PRKCQ: variants seen among roughly 807,000 people sequenced by gnomAD.
PRKCQ encodes the protein protein kinase C theta, also known as protein kinase C theta type.
Under a neutral mutation model 91.2 loss-of-function variants are expected in PRKCQ, and 41 were observed. The ratio of observed to expected loss-of-function variants is 0.45; its 90% CI spans 0.35 to 0.58. The LOEUF (loss-of-function observed/expected upper bound fraction) is 0.58, where lower values mean the gene tolerates loss of function less well. Among genes scored for constraint, PRKCQ ranks in the 20% least tolerant of loss-of-function variants. The pLI is 0.00. For missense variants in PRKCQ, 673 were observed against 896.5 expected (o/e 0.75, Z 3.18); for synonymous variants, 307 against 316.9 (o/e 0.97, Z 0.33).
chr10:6,447,400 C>T (rs1211749933), intron 15 of PRKCQ, among the ~76,000 whole-genome samples: 3 of 130,612 alleles, frequency 2.3e-5, no homozygotes, highest in Non-Finnish European at 5.0e-5. Flanking sequence ...GAGCAAGACT[C>T]CACCTCAAAA....
chr10:6,500,872 A>T (rs1446575299), intron 4 of PRKCQ, among the ~76,000 whole-genome samples: 8 of 152,212 alleles, frequency 5.3e-5, no homozygotes, highest in Non-Finnish European at 1.0e-4. Context: ...CTAACAGTCA[A>T]GTCAGGGAGA....
At chr10:6,472,200 T>G (rs1588712874) in intron 12 of PRKCQ, among the ~76,000 whole-genome samples, 1 of 151,838 alleles carries the variant, frequency 6.6e-6, no homozygotes, top group East Asian at 1.9e-4. Flanking sequence ...CCCAGCTACT[T>G]GGGAAGCTGA....
At chr10:6,507,326 T>G in intron 4 of PRKCQ, 110 bp downstream of exon 4, 1 of 1,116,120 alleles carries the variant, frequency 9.0e-7, no homozygotes, top group Non-Finnish European at 1.3e-6. Context: ...TTTGTGCCTC[T>G]CTTTTCTCCT....
At chr10:6,431,039 C>A in intron 16 of PRKCQ, 101 bp from the exon 17 acceptor site, 1 of 1,415,924 alleles carries the variant, frequency 7.1e-7, no homozygotes, top group Non-Finnish European at 9.4e-7. Context: ...TCTTTTCTAA[C>A]CTCATTTTTC....
chr10:6,518,315 G>A (rs1042415531), intron 1 of PRKCQ, among the ~76,000 whole-genome samples: 6 of 152,070 alleles, frequency 3.9e-5, no homozygotes, highest in South Asian at 2.1e-4. Context: ...AAATCTTAAA[G>A]TAATCAAATT....
chr10:6,427,786 C>T lies in PRKCQ; in HGVS notation c.*421G>A, dbSNP rs1296171795. The T allele has an allele frequency of 5.3e-6, 1 of 190,188 alleles. No homozygotes were observed. The highest frequency in any genetic ancestry group is 2.4e-5 in the African/African-American group (1 of 41,836). The allele number at this position is 190,188 out of a possible 1,614,324, so 11.8% of individuals were successfully genotyped here. ...CGGCTGAGTGAGATCCGCTACTAGA[C>T]CAGGCAATGGGGCCGTTTCAGTCTT... On this transcript the variant is annotated 3_prime_UTR_variant, in exon 18 of 18. Coordinates refer to ENST00000263125, the MANE Select transcript of PRKCQ (RefSeq NM_006257.5).
chr10:6,490,317 A>G (rs1837214611), intron 8 of PRKCQ, among the ~76,000 whole-genome samples: 1 of 152,292 alleles, frequency 6.6e-6, no homozygotes, highest in South Asian at 2.1e-4. Context: ...GCCGCCTTCC[A>G]TCACGTACCT....
downstream of PRKCQ, among the ~76,000 whole-genome samples, chr10:6,426,275 T>A (rs1207491216): frequency 6.6e-6 from 1 of 152,186 alleles, no homozygotes; most frequent in Non-Finnish European, 1.5e-5. Context: ...TTCACCTCCA[T>A]TACTTGGAGG....
intron 1 of PRKCQ, among the ~76,000 whole-genome samples, chr10:6,553,486 T>A (rs1399714211): frequency 3.9e-5 from 1 of 25,620 alleles, no homozygotes. Context: ...CAAGACCCTG[T>A]CTCAAAAAAA....
intron 1 of PRKCQ, among the ~76,000 whole-genome samples, chr10:6,557,003 A>G (rs148465500): frequency 1.3e-5 from 2 of 152,064 alleles, no homozygotes; most frequent in African/African-American, 4.8e-5. Context: ...AACCCTGTAC[A>G]CACTCTTGGA....
At chr10:6,579,903 C>A (rs1182385985) in intron 1 of PRKCQ, among the ~76,000 whole-genome samples, 2 of 151,286 alleles carry the variant, frequency 1.3e-5, no homozygotes, top group Non-Finnish European at 2.9e-5. Flanking sequence ...CGCAGGCCCC[C>A]TTTCGTTCAG....
chr10:6,452,848 G>A (rs1264428997), intron 15 of PRKCQ, among the ~76,000 whole-genome samples: 1 of 144,924 alleles, frequency 6.9e-6, no homozygotes, highest in African/African-American at 2.6e-5. Context: ...AATAAATGGT[G>A]CTGGGAAAAC....
chr10:6,437,848 T>C (rs1588654374), intron 16 of PRKCQ, among the ~76,000 whole-genome samples: 1 of 152,060 alleles, frequency 6.6e-6, no homozygotes, highest in East Asian at 1.9e-4. Context: ...AGAGATGGGG[T>C]TTCACCGTGT....
At chr10:6,449,702 A>C (rs1274584446) in intron 15 of PRKCQ, among the ~76,000 whole-genome samples, 1 of 152,198 alleles carries the variant, frequency 6.6e-6, no homozygotes, top group Non-Finnish European at 1.5e-5. Context: ...GGTTACCCAC[A>C]AAGGGAAGCC....
chr10:6,476,537 C>T (rs1259795460), intron 12 of PRKCQ, among the ~76,000 whole-genome samples: 2 of 152,148 alleles, frequency 1.3e-5, no homozygotes, highest in African/African-American at 4.8e-5. Flanking sequence ...TATATATTCT[C>T]ACTTATGATT....
At chr10:6,408,231 G>A in the PRKCQ span, among the ~76,000 whole-genome samples, 2 of 152,078 alleles carry the variant, frequency 1.3e-5, no homozygotes, top group East Asian at 3.9e-4. Flanking sequence ...AGATTTTGCT[G>A]ATTACATCTC....
intron 7 of PRKCQ, 62 bp downstream of exon 7, chr10:6,496,973 G>T (rs1837651157): frequency 7.0e-7 from 1 of 1,429,702 alleles, no homozygotes; most frequent in African/African-American, 1.4e-5. Context: ...GAATTCGTGG[G>T]CTGTAACATT....
At chr10:6,461,089 T>C (rs1351939763) in intron 14 of PRKCQ, among the ~76,000 whole-genome samples, 2 of 142,556 alleles carry the variant, frequency 1.4e-5, no homozygotes, top group Non-Finnish European at 3.1e-5. Context: ...ATCCATCATT[T>C]ATCCATCATT....
At chr10:6,396,569 C>G in the PRKCQ span, among the ~76,000 whole-genome samples, 1 of 152,228 alleles carries the variant, frequency 6.6e-6, no homozygotes, top group Non-Finnish European at 1.5e-5. Context: ...TTCCAGTTAG[C>G]TTAATGTTCT....
Sources: allele counts gnomAD v4.1 joint callset (sites outside exome capture counted in the v4.1 genomes callset), GRCh38; gene constraint gnomAD v4.1.1; transcripts MANE v1.5; gene names NCBI Gene and HGNC (gene_info 2026-07-23, HGNC 2026-07-21).